ABCC5: variants seen among roughly 807,000 people sequenced by gnomAD.
ABCC5 encodes ATP-binding cassette sub-family C member 5.
Under a neutral mutation model 160.9 loss-of-function variants are expected in ABCC5, and 61 were observed. The ratio of observed to expected loss-of-function variants is 0.38; its 90% CI spans 0.31 to 0.47. The LOEUF (loss-of-function observed/expected upper bound fraction) is 0.47. ABCC5 is among the 20% of genes least tolerant of loss of function. The pLI is 0.99. For synonymous variants in ABCC5, 666 were observed against 700.6 expected, an observed-to-expected ratio of 0.95 and a Z score of 0.78; for missense variants, 1,308 against 1,813.3, an observed-to-expected ratio of 0.72 and a Z score of 5.06.
At chr3:183,945,768 T>C (rs1714781746) in intron 24 of ABCC5, 82 bp downstream of exon 24, 5 of 1,095,682 alleles carry the variant, frequency 4.6e-6, no homozygotes, top group Admixed American at 1.7e-5. Context: ...AGCCTCCTCC[T>C]TGTACACCCA....
rs1325825293 is a variant in ABCC5, at chr3:183,951,399, AGT to A, written c.2944+40_2944+41del. 1 of 1,605,146 alleles carries A rather than the reference AGT, an allele frequency of 6.2e-7. No homozygotes were observed. Among genetic ancestry groups the A allele is most frequent in the African/African-American group, 1.3e-5 (1 of 74,546 alleles). ...GAATCATCTAGAAGGCTGGAAGCAC[AGT>A]GAGCTCCAGAGTATTAAAAAAAGGC... On this transcript the variant is annotated intron_variant, in intron 20 of 29. Transcript: ENST00000334444. This position sits in a 1 kb window ranked among gnomAD's most constrained non-coding sequence, Gnocchi z 4.7.
intron 9 of ABCC5, among the ~76,000 whole-genome samples, chr3:183,977,926 T>A (rs1266167852): frequency 6.6e-6 from 1 of 152,156 alleles, no homozygotes; most frequent in Non-Finnish European, 1.5e-5. Context: ...CTAATTTTTG[T>A]ATTTTTAGTA....
Position 183,971,684 on chromosome 3 carries a change from C to T in ABCC5, c.1640G>A (p.Gly547Asp), listed in dbSNP as rs767398741. The change falls in exon 11 of 30, where the codon GGC becomes GAC. Residue 547 changes from glycine (G) to aspartate (D), a missense_variant. Transcript: ENST00000334444. ...EHQAVLAEQK[G>D]HLLLDSDERP... ...CTCGTCACTGTCCAGGAGGAGGTGGCCTTTCTGCTCTGCCAGCACCGCCTG... is the reference window on the plus strand; with the variant it reads ...CTCGTCACTGTCCAGGAGGAGGTGGTCTTTCTGCTCTGCCAGCACCGCCTG... 6.2e-7 allele frequency: 1 copy of T among 1,614,148 alleles called. No individual in the cohort carries two copies. The highest frequency in any genetic ancestry group is 8.5e-7 in the Non-Finnish European group (1 of 1,180,016).
chr3:183,954,574 GT>G (rs1424148194), intron 17 of ABCC5, among the ~76,000 whole-genome samples: 1 of 152,216 alleles, frequency 6.6e-6, no homozygotes, highest in Non-Finnish European at 1.5e-5. Context: ...GTGGGATGGA[GT>G]TTCGGGAGGT....
At chr3:184,001,236 G>A (rs1267793026) in intron 2 of ABCC5, 1 of 538,082 alleles carries the variant, frequency 1.9e-6, no homozygotes, top group Non-Finnish European at 3.3e-6. Flanking sequence ...CTGGGTGACA[G>A]AGTGAGACTC....
chr3:183,970,417 A>C (rs987965186), intron 11 of ABCC5, among the ~76,000 whole-genome samples: 1 of 148,140 alleles, frequency 6.8e-6, no homozygotes, highest in African/African-American at 2.5e-5. Context: ...TCCCTGCCCC[A>C]GCACACTCTC....
intron 26 of ABCC5, among the ~76,000 whole-genome samples, chr3:183,936,140 C>G (rs565681124): frequency 2.0e-5 from 3 of 152,232 alleles, no homozygotes; most frequent in Admixed American, 6.5e-5. Flanking sequence ...CACAAGAGCT[C>G]TCCTTTCCGC....
chr3:183,987,690 C>T lies in ABCC5; in HGVS notation c.591+80G>A, dbSNP rs1229669997. The T allele has an allele frequency of 6.3e-7, 1 of 1,591,094 alleles. No homozygotes were observed. The highest frequency in any genetic ancestry group is 2.3e-5 in the East Asian group (1 of 43,960). On this transcript the variant is annotated intron_variant, in intron 5 of 29. Coordinates refer to ENST00000334444, the MANE Select transcript of ABCC5 (RefSeq NM_005688.4). The surrounding 1 kb of genome is among the most constrained non-coding windows in gnomAD (Gnocchi z 4.2). ...CTACCTAGCCCAAAGCTGAGCACAACCTCTGCAACAGAATAAGAGTGTTAG... is the reference window on the plus strand; with the variant it reads ...CTACCTAGCCCAAAGCTGAGCACAATCTCTGCAACAGAATAAGAGTGTTAG...
Position 183,921,280 on chromosome 3 carries a change from A to AC in ABCC5, c.*19dup. On this transcript the variant is annotated 3_prime_UTR_variant, in exon 30 of 30. Coordinates refer to ENST00000334444, the MANE Select transcript of ABCC5 (RefSeq NM_005688.4). This position sits in a 1 kb window ranked among gnomAD's most constrained non-coding sequence, Gnocchi z 4.1. ...AATGGCAATGCTCTAAAGAAAAGAG[A>AC]CTTCGTCAACAGGGAGGAGTCAGCC... The AC allele has an allele frequency of 7.1e-7, 1 of 1,414,434 alleles. No individual in the cohort carries two copies. Among genetic ancestry groups the AC allele is most frequent in the African/African-American group, 1.4e-5 (1 of 69,976 alleles). The allele number at this position is 1,414,434 out of a possible 1,614,324, so 87.6% of individuals were successfully genotyped here. A position where few individuals can be genotyped will look rare whatever the true frequency, so the allele number is the denominator to read the frequency against.
At chr3:183,940,629 G>A (rs1046160486) in intron 25 of ABCC5, among the ~76,000 whole-genome samples, 1 of 152,064 alleles carries the variant, frequency 6.6e-6, no homozygotes, top group Non-Finnish European at 1.5e-5. Context: ...AATGGGTCAA[G>A]TTGTTCCAGT....
At chr3:183,938,775 T>TGA (rs948713780) in intron 25 of ABCC5, among the ~76,000 whole-genome samples, 2 of 152,148 alleles carry the variant, frequency 1.3e-5, no homozygotes, top group African/African-American at 4.8e-5. Context: ...TTATTAGGGC[T>TGA]GAGAGAGAGA....
At position 183,925,736 on chromosome 3, in the gene ABCC5, G is replaced by A. The variant is rs773981503; in HGVS notation, c.4048-17C>T. ...AATCAGAATCTGCCAGAGAAGCAGA[G>A]GAGAAAGAAACTCGATTAAATTCCT... On this transcript the variant is annotated splice_polypyrimidine_tract_variant and intron_variant, in intron 28 of 29. Transcript: ENST00000334444. 3 of 1,606,408 alleles carry A rather than the reference G, an allele frequency of 1.9e-6. No homozygotes were observed. In the Admixed American group the frequency reaches 5.2e-5, roughly 28 times the overall value.
chr3:183,981,926 A>C (rs764718496), intron 7 of ABCC5, 52 bp from the exon 8 acceptor site: 2 of 1,563,748 alleles, frequency 1.3e-6, no homozygotes, highest in East Asian at 4.5e-5. Context: ...AAACTTGAGA[A>C]CTACCTAATC....
At chr3:183,969,691 CAAAA>C (rs35014671) in intron 11 of ABCC5, among the ~76,000 whole-genome samples, 6 of 70,658 alleles carry the variant, frequency 8.5e-5, no homozygotes, top group African/African-American at 1.8e-4. Context: ...GACTCTGTCT[CAAAA>C]AAAAAAAAAA....
intron 5 of ABCC5, chr3:183,986,240 A>C (rs944897098): frequency 1.3e-5 from 2 of 152,232 alleles, no homozygotes; most frequent in Non-Finnish European, 2.9e-5. Context: ...AAATCTATAA[A>C]AGAGATTATG....
rs1199538693 is a variant in ABCC5, at chr3:183,965,403, C to T, written c.1932G>A (p.Leu644=). The T allele has an allele frequency of 6.2e-7, 1 of 1,614,058 alleles. No homozygotes were observed. Among genetic ancestry groups the T allele is most frequent in the African/African-American group, 1.3e-5 (1 of 75,068 alleles). The part of the protein sequence containing the change: ...ILNATLRDNI[L]FGKEYDEERY... The stretch of plus-strand genomic sequence containing the variant: ...TTTCTTCATCATATTCCTTCCCAAA[C>T]AGGATGTTGTCTCTCAGAGTAGCAT... Residue 644 remains leucine (L), a synonymous_variant, in exon 13 of 30, where the codon CTG becomes CTA. Coordinates refer to ENST00000334444, the MANE Select transcript of ABCC5 (RefSeq NM_005688.4).
At chr3:183,926,957 A>G (rs1712633280) in intron 28 of ABCC5, among the ~76,000 whole-genome samples, 1 of 151,996 alleles carries the variant, frequency 6.6e-6, no homozygotes, top group Admixed American at 6.6e-5. Flanking sequence ...AGGCAGGAGA[A>G]TCACTTGAAC....
intron 18 of ABCC5, 86 bp downstream of exon 18, chr3:183,953,000 A>G: frequency 1.4e-6 from 2 of 1,386,534 alleles, no homozygotes; most frequent in Non-Finnish European, 2.0e-6. Context: ...TGAAAACTAG[A>G]ACAGTTTCCC....
intron 2 of ABCC5, among the ~76,000 whole-genome samples, chr3:184,010,300 C>T (rs370981777): frequency 7.8e-6 from 1 of 128,874 alleles, no homozygotes; most frequent in Non-Finnish European, 1.7e-5. Context: ...GTTTAGGAAA[C>T]ATGAAAGAAT....
Sources: allele counts gnomAD v4.1 joint callset (sites outside exome capture counted in the v4.1 genomes callset), GRCh38; gene constraint gnomAD v4.1.1; non-coding constraint Gnocchi (gnomAD v3.1); transcripts MANE v1.5; gene names NCBI Gene and HGNC (gene_info 2026-07-23, HGNC 2026-07-21).